Variants in UBE2G1 observed in about 807,000 individuals in gnomAD.
UBE2G1 encodes ubiquitin conjugating enzyme E2 G1.
A neutral mutation model predicts 22.7 loss-of-function variants in UBE2G1; 5 were observed. The observed-to-expected ratio is 0.22, with a 90% CI of 0.12 to 0.46. UBE2G1 has a LOEUF of 0.46. Ranked by LOEUF, UBE2G1 falls within the 20% of genes least tolerant of loss-of-function variation. The pLI is 0.99. For synonymous variants in UBE2G1, 74 were observed against 67.5 expected (o/e 1.10, Z -0.47); for missense variants, 88 against 203.9 (o/e 0.43, Z 3.46).
At chr17:4,286,566 T>C (rs1968966062) in intron 4 of UBE2G1, among the ~76,000 whole-genome samples, 1 of 152,196 alleles carries the variant, frequency 6.6e-6, no homozygotes, top group Non-Finnish European at 1.5e-5. Context: ...AGAACTCATA[T>C]TTGCATATTT....
At chr17:4,325,990 G>GT (rs1164968148) in intron 1 of UBE2G1, among the ~76,000 whole-genome samples, 27 of 151,910 alleles carry the variant, frequency 1.8e-4, no homozygotes, top group Admixed American at 3.3e-4. Flanking sequence ...AAACTTAAAC[G>GT]TAAGAGCTAA....
chr17:4,314,126 A>G (rs2143746637), intron 1 of UBE2G1, among the ~76,000 whole-genome samples: 1 of 152,360 alleles, frequency 6.6e-6, no homozygotes, highest in South Asian at 2.1e-4. Context: ...AGGTCTAGAA[A>G]AAATGAACAG....
At chr17:4,289,474 A>G (rs1969008485) in intron 3 of UBE2G1, 66 bp from the exon 4 acceptor site, 1 of 1,434,348 alleles carries the variant, frequency 7.0e-7, no homozygotes, top group African/African-American at 1.4e-5. Flanking sequence ...AATATCAATT[A>G]CAAATGTGAT....
At chr17:4,305,830 A>T (rs1969243211) in intron 2 of UBE2G1, among the ~76,000 whole-genome samples, 1 of 152,104 alleles carries the variant, frequency 6.6e-6, no homozygotes. Flanking sequence ...GCGTGAGCCA[A>T]CGCACCAAGC....
At chr17:4,274,236 C>A (rs1475014020) in intron 5 of UBE2G1, among the ~76,000 whole-genome samples, 8 of 121,984 alleles carry the variant, frequency 6.6e-5, no homozygotes, top group South Asian at 2.7e-4. Flanking sequence ...CTTGCTCTGT[C>A]GCCCAGGCTG....
chr17:4,286,480 T>A (rs1357933311), intron 4 of UBE2G1, among the ~76,000 whole-genome samples: 1 of 152,022 alleles, frequency 6.6e-6, no homozygotes, highest in East Asian at 1.9e-4. Flanking sequence ...AACTAACTAG[T>A]TAAATCAGAA....
At chr17:4,300,806 C>T (rs758753699) in intron 2 of UBE2G1, among the ~76,000 whole-genome samples, 1 of 146,022 alleles carries the variant, frequency 6.8e-6, no homozygotes, top group Non-Finnish European at 1.5e-5. Context: ...CTACTAAAAA[C>T]TACAAAAATT....
rs1419341685 is a variant in UBE2G1 at position 4,322,893 on chromosome 17, G to A, written c.47-15770C>T. On this transcript the variant is annotated intron_variant, in intron 1 of 5. Transcript: ENST00000396981. ...CACCGAGCACTGTGGCAACAGCAAT[G>A]TGCATTTCATATCTCCGAAGTGATG... is the stretch of plus-strand genomic sequence containing the variant. 2.0e-5 allele frequency among the ~76,000 whole-genome samples: 3 copies of A among 152,122 alleles called. No homozygotes were observed. In the East Asian group the frequency reaches 5.8e-4, roughly 29 times the overall value.
At chr17:4,273,582 AC>A (rs1968785291) in intron 5 of UBE2G1, among the ~76,000 whole-genome samples, 1 of 152,076 alleles carries the variant, frequency 6.6e-6, no homozygotes, top group African/African-American at 2.4e-5. Flanking sequence ...GGCTCAAGCA[AC>A]GCTGCCACCT....
chr17:4,301,689 A>G (rs1421319276), intron 2 of UBE2G1: 1 of 710,228 alleles, frequency 1.4e-6, no homozygotes, highest in Non-Finnish European at 2.6e-6. Flanking sequence ...GGAATATTTA[A>G]TGTTTTTTGG....
intron 1 of UBE2G1, among the ~76,000 whole-genome samples, chr17:4,316,936 A>AGT (rs1208247749): frequency 4.3e-5 from 1 of 23,344 alleles, no homozygotes; most frequent in Non-Finnish European, 1.5e-4. Flanking sequence ...ATGTCTCTTG[A>AGT]ATAAAAAAAA....
chr17:4,344,947 A>G (rs1255069112), intron 1 of UBE2G1, among the ~76,000 whole-genome samples: 1 of 152,240 alleles, frequency 6.6e-6, no homozygotes, highest in African/African-American at 2.4e-5. Context: ...AATTTCCCAC[A>G]ATTCAAAATT....
chr17:4,301,861 C>T (rs1158781494), intron 2 of UBE2G1: 4 of 501,286 alleles, frequency 8.0e-6, no homozygotes, highest in South Asian at 1.6e-5. Flanking sequence ...ACATGAACTT[C>T]GTGAGTTGGC....
chr17:4,294,365 A>G (rs1969079325), intron 3 of UBE2G1, among the ~76,000 whole-genome samples: 1 of 150,434 alleles, frequency 6.6e-6, no homozygotes, highest in Non-Finnish European at 1.5e-5. Flanking sequence ...GCAGTGAGCC[A>G]AGATAGTCCC....
intron 2 of UBE2G1, among the ~76,000 whole-genome samples, chr17:4,298,232 G>A (rs368510242): frequency 6.6e-6 from 1 of 152,140 alleles, no homozygotes; most frequent in Non-Finnish European, 1.5e-5. Context: ...GGCTGAGGGG[G>A]GAAGGATCCC....
At chr17:4,363,900 C>T (rs530598473) in intron 1 of UBE2G1, among the ~76,000 whole-genome samples, 3 of 130,330 alleles carry the variant, frequency 2.3e-5, no homozygotes, top group Admixed American at 9.5e-5. Context: ...TGCAGTGAGC[C>T]GAGATTGCGC....
At chr17:4,346,046 C>G (rs139320364) in intron 1 of UBE2G1, among the ~76,000 whole-genome samples, 95 of 152,300 alleles carry the variant, frequency 6.2e-4, no homozygotes, top group African/African-American at 2.2e-3. Context: ...GATATTGCAA[C>G]AATATAGGAT....
chr17:4,271,108 T>G lies in UBE2G1; in HGVS notation c.*1446A>C, dbSNP rs973450271. 1 of 152,236 alleles carries G rather than the reference T, an allele frequency of 6.6e-6. No individual in the cohort carries two copies. The highest frequency in any genetic ancestry group is 1.5e-5 in the Non-Finnish European group (1 of 68,040). The allele number at this position is 152,236 out of a possible 1,614,324, so 9.4% of individuals were successfully genotyped here. On this transcript the variant is annotated 3_prime_UTR_variant, in exon 6 of 6. Coordinates refer to ENST00000396981, the MANE Select transcript of UBE2G1 (RefSeq NM_003342.5). ...AGGCCTGCCTTTAACACTGCACATG[T>G]TCATTTTACCATTTGCTGAAGTTGT...
chr17:4,352,297 A>T (rs1969854390), intron 1 of UBE2G1, among the ~76,000 whole-genome samples: 1 of 152,034 alleles, frequency 6.6e-6, no homozygotes, highest in East Asian at 1.9e-4. Flanking sequence ...TGATGCACTC[A>T]TGGCTCACTG....
Sources: gnomAD v4.1 joint callset for allele counts (sites outside exome capture counted in the v4.1 genomes callset) on GRCh38, gnomAD v4.1.1 for gene constraint, MANE v1.5 for transcripts, NCBI Gene and HGNC (gene_info 2026-07-23, HGNC 2026-07-21) for gene names.